The following AGPAT4 variants were observed in gnomAD, a reference collection of about 807,000 sequenced individuals.
AGPAT4 encodes 1-acylglycerol-3-phosphate O-acyltransferase 4.
A neutral mutation model predicts 48.0 loss-of-function variants in AGPAT4; 15 were observed. The observed-to-expected ratio is 0.31, with a 90% CI of 0.21 to 0.48. The LOEUF is 0.48. Among genes scored for constraint, AGPAT4 ranks in the 20% least tolerant of loss-of-function variants. The pLI, the probability that AGPAT4 is intolerant of heterozygous loss-of-function variation, is 0.99. For missense variants in AGPAT4, 314 were observed against 482.5 expected (o/e 0.65, Z 3.27); for synonymous variants, 178 against 198.7 (o/e 0.90, Z 0.88).
At chr6:161,162,782 C>T (rs1259694399) in intron 3 of AGPAT4, among the ~76,000 whole-genome samples, 1 of 152,248 alleles carries the variant, frequency 6.6e-6, no homozygotes, top group Non-Finnish European at 1.5e-5. Flanking sequence ...GGTGTGCTTG[C>T]CAGGGCCTGG....
At position 161,202,911 on chromosome 6, in the gene AGPAT4, C is replaced by A. The variant is rs1781273010; in HGVS notation, c.178+29125G>T. On this transcript the variant is annotated intron_variant, in intron 2 of 8. Transcript: ENST00000320285. The surrounding 1 kb of genome is among the most constrained non-coding windows in gnomAD (Gnocchi z 5.4). ...ATGGATAGGTTACTCCAGTTGACAGCCCCAGTTGAGGTCCCAGCCAACAGC... is the reference window on the plus strand; with the variant it reads ...ATGGATAGGTTACTCCAGTTGACAGACCCAGTTGAGGTCCCAGCCAACAGC... Among the ~76,000 whole-genome samples, 1 of 152,142 alleles carries A rather than the reference C, an allele frequency of 6.6e-6. No individual in the cohort carries two copies. The highest frequency in any genetic ancestry group is 1.5e-5 in the Non-Finnish European group (1 of 68,012).
rs1782813720 is a variant in AGPAT4, at chr6:161,251,866, T to TAC, written c.-89-19566_-89-19565dup. Among the ~76,000 whole-genome samples the TAC allele has an allele frequency of 6.6e-6, 1 of 152,240 alleles. No homozygotes were observed. Among genetic ancestry groups the TAC allele is most frequent in the South Asian group, 2.1e-4 (1 of 4,836 alleles). On this transcript the variant is annotated intron_variant, in intron 1 of 8. Coordinates refer to ENST00000320285, the MANE Select transcript of AGPAT4 (RefSeq NM_020133.3). This position sits in a 1 kb window ranked among gnomAD's most constrained non-coding sequence, Gnocchi z 4.6. ...AGCCATTTAGATTCTTCTAAAGGGATACATTACCTGTTACAGATTAGGGAA... is the reference window on the plus strand; with the variant it reads ...AGCCATTTAGATTCTTCTAAAGGGATACACATTACCTGTTACAGATTAGGGAA...
intron 1 of AGPAT4, among the ~76,000 whole-genome samples, chr6:161,247,786 C>A (rs1782695875): frequency 6.6e-6 from 1 of 151,888 alleles, no homozygotes; most frequent in Non-Finnish European, 1.5e-5. Flanking sequence ...AGTTCGAGAC[C>A]AGCCTGAACA....
At chr6:161,268,786 A>G (rs1466094117) in intron 1 of AGPAT4, among the ~76,000 whole-genome samples, 1 of 152,138 alleles carries the variant, frequency 6.6e-6, no homozygotes, top group Non-Finnish European at 1.5e-5. Flanking sequence ...TGTTGTCCAT[A>G]TAATTTCCAG....
rs562425119 is a variant in AGPAT4 at position 161,186,121 on chromosome 6, G to A, written c.179-19704C>T. Among the ~76,000 whole-genome samples the A allele has an allele frequency of 2.0e-5, 3 of 152,218 alleles. No individual in the cohort carries two copies. The East Asian group carries it at 5.8e-4, about 29-fold the overall frequency. On this transcript the variant is annotated intron_variant, in intron 2 of 8. Transcript: ENST00000320285. ...GCTGCAGAGCAGTCAAGCCACTGAGGTTGGACCTTCCAGCCCCCCACTTCT... is the reference window on the plus strand; with the variant it reads ...GCTGCAGAGCAGTCAAGCCACTGAGATTGGACCTTCCAGCCCCCCACTTCT...
chr6:161,163,801 T>A (rs1224089351), intron 3 of AGPAT4, among the ~76,000 whole-genome samples: 1 of 152,186 alleles, frequency 6.6e-6, no homozygotes, highest in Non-Finnish European at 1.5e-5. Context: ...AGGCCCCCAC[T>A]GAGCAAGGCT....
intron 3 of AGPAT4, among the ~76,000 whole-genome samples, chr6:161,157,493 T>G (rs1426096804): frequency 6.6e-6 from 1 of 152,210 alleles, no homozygotes; most frequent in Non-Finnish European, 1.5e-5. Flanking sequence ...TAGTATTTTT[T>G]GTAGACACAG....
chr6:161,159,630 A>C lies in AGPAT4; in HGVS notation c.349-5320T>G, dbSNP rs1219091405. ...GCGTGCGTGTGTGTGTGTGTTCATC[A>C]AAAGGTGAGAGACTCCATTCTCTTT... On this transcript the variant is annotated intron_variant, in intron 3 of 8. Transcript: ENST00000320285. The surrounding 1 kb of genome is among the most constrained non-coding windows in gnomAD (Gnocchi z 4.1). Among the ~76,000 whole-genome samples the C allele has an allele frequency of 2.0e-5, 3 of 152,166 alleles. No homozygotes were observed. The highest frequency in any genetic ancestry group is 7.2e-5 in the African/African-American group (3 of 41,440).
At chr6:161,260,896 A>AG (rs1783082346) in intron 1 of AGPAT4, among the ~76,000 whole-genome samples, 2 of 152,164 alleles carry the variant, frequency 1.3e-5, no homozygotes, top group Admixed American at 1.3e-4. Flanking sequence ...CTCAAAAAAA[A>AG]GAAAAAATAA....
In AGPAT4 at chr6:161,165,605, C is replaced by G; in HGVS notation, c.348+643G>C. 1 of 1,301,096 alleles carries G rather than the reference C, an allele frequency of 7.7e-7. No homozygotes were observed. Among genetic ancestry groups the G allele is most frequent in the Non-Finnish European group, 1.0e-6 (1 of 988,330 alleles). The allele number at this position is 1,301,096 out of a possible 1,614,324, so 80.6% of individuals were successfully genotyped here. On this transcript the variant is annotated intron_variant, in intron 3 of 8. Coordinates refer to ENST00000320285, the MANE Select transcript of AGPAT4 (RefSeq NM_020133.3). The surrounding 1 kb of genome is among the most constrained non-coding windows in gnomAD (Gnocchi z 5.5). ...AGTACCGCAGATGACTCTGATTCAG[C>G]TATGTGACACAGGCTCAACCGCTAC...
Position 161,139,322 on chromosome 6 carries a change from C to T in AGPAT4, c.1042+100G>A, listed in dbSNP as rs1051881428. The T allele has an allele frequency of 3.7e-5, 49 of 1,316,688 alleles. No individual in the cohort carries two copies. Among genetic ancestry groups the T allele is most frequent in the African/African-American group, 2.2e-4 (15 of 68,362 alleles). The allele number at this position is 1,316,688 out of a possible 1,614,324, so 81.6% of individuals were successfully genotyped here. A position where few individuals can be genotyped will look rare whatever the true frequency, so the allele number is the denominator to read the frequency against. On this transcript the variant is annotated intron_variant, in intron 8 of 8. Transcript: ENST00000320285. This position sits in a 1 kb window ranked among gnomAD's most constrained non-coding sequence, Gnocchi z 9.1. ...GCAAGCTGAGCCTGCTCCTCATCCA[C>T]GGCACAACTGCCTATACAGATGGCC...
rs560027627 is a variant in AGPAT4 at position 161,174,374 on chromosome 6, T to C, written c.179-7957A>G. The stretch of plus-strand genomic sequence containing the variant: ...AGAGGGCCTTCACATCCCTTGTAAG[T>C]TGGATTCCTAGGTATTTTTTTCTCT... On this transcript the variant is annotated intron_variant, in intron 2 of 8. Transcript: ENST00000320285. Among the ~76,000 whole-genome samples the C allele has an allele frequency of 2.2e-4, 33 of 152,330 alleles. 1 individual carries two copies. The East Asian group carries it at 4.1e-3, about 19-fold the overall frequency.
rs538719783 is a variant in AGPAT4 at position 161,184,015 on chromosome 6, G to A, written c.179-17598C>T. 9.9e-4 allele frequency among the ~76,000 whole-genome samples: 150 copies of A among 152,208 alleles called. No individual in the cohort carries two copies. Among genetic ancestry groups the A allele is most frequent in the African/African-American group, 3.3e-3 (138 of 41,546 alleles). ...GACAGGAAGTCACTGGAAGTTTAGC[G>A]TGATGTATGACTTGATCCACCTGAA... is the stretch of plus-strand genomic sequence containing the variant. On this transcript the variant is annotated intron_variant, in intron 2 of 8. Transcript: ENST00000320285. This position sits in a 1 kb window ranked among gnomAD's most constrained non-coding sequence, Gnocchi z 4.8.
intron 2 of AGPAT4, among the ~76,000 whole-genome samples, chr6:161,187,658 A>G (rs1364506596): frequency 1.3e-5 from 2 of 151,960 alleles, no homozygotes; most frequent in Non-Finnish European, 2.9e-5. Context: ...CTCCTGCCTC[A>G]GCCTCCCAAG....
rs1780255825 is a variant in AGPAT4, at chr6:161,171,073, A to G, written c.179-4656T>C. ...GGCACCTGAGCAATCCATCCCGACCAGAAGCTATCAGCAGGTGCTGCACAA... is the reference window on the plus strand; with the variant it reads ...GGCACCTGAGCAATCCATCCCGACCGGAAGCTATCAGCAGGTGCTGCACAA... On this transcript the variant is annotated intron_variant, in intron 2 of 8. Transcript: ENST00000320285. This position sits in a 1 kb window ranked among gnomAD's most constrained non-coding sequence, Gnocchi z 4.4. 2.0e-5 allele frequency among the ~76,000 whole-genome samples: 3 copies of G among 152,228 alleles called. No individual in the cohort carries two copies. The highest frequency in any genetic ancestry group is 7.2e-5 in the African/African-American group (3 of 41,466).
intron 2 of AGPAT4, among the ~76,000 whole-genome samples, chr6:161,210,923 TGGCTTTAG>T (rs994711539): frequency 3.3e-5 from 5 of 152,236 alleles, no homozygotes; most frequent in Non-Finnish European, 5.9e-5. Flanking sequence ...TCTAATCTTG[TGGCTTTAG>T]GCAGTCTAGC....
Position 161,223,928 on chromosome 6 carries a change from G to A in AGPAT4, c.178+8108C>T, listed in dbSNP as rs1781899591. 6.6e-6 allele frequency among the ~76,000 whole-genome samples: 1 copy of A among 152,180 alleles called. No individual in the cohort carries two copies. The highest frequency in any genetic ancestry group is 1.5e-5 in the Non-Finnish European group (1 of 68,036). The stretch of plus-strand genomic sequence containing the variant: ...AGTAAGTGCTCAGTAAATACTAGCT[G>A]GCTAAAAGTTCATAGAATAAAAAGG... On this transcript the variant is annotated intron_variant, in intron 2 of 8. Coordinates refer to ENST00000320285, the MANE Select transcript of AGPAT4 (RefSeq NM_020133.3). This position sits in a 1 kb window ranked among gnomAD's most constrained non-coding sequence, Gnocchi z 6.3.
chr6:161,189,657 C>T lies in AGPAT4; in HGVS notation c.179-23240G>A, dbSNP rs901678786. The stretch of plus-strand genomic sequence containing the variant: ...ACACGGCAGATCCAGGCCAGCTGCA[C>T]ATCCGTGGGCTCCTCCATCAGTCTC... On this transcript the variant is annotated intron_variant, in intron 2 of 8. Transcript: ENST00000320285. This position sits in a 1 kb window ranked among gnomAD's most constrained non-coding sequence, Gnocchi z 5.3. Among the ~76,000 whole-genome samples, 2 of 152,162 alleles carry T rather than the reference C, an allele frequency of 1.3e-5. No homozygotes were observed. Among genetic ancestry groups the T allele is most frequent in the Non-Finnish European group, 2.9e-5 (2 of 68,026 alleles).
rs191098129 is a variant in AGPAT4, at chr6:161,230,679, G to A, written c.178+1357C>T. 2.6e-5 allele frequency among the ~76,000 whole-genome samples: 4 copies of A among 152,234 alleles called. No individual in the cohort carries two copies. In the East Asian group the frequency reaches 7.7e-4, roughly 29 times the overall value. ...GAGACCAATGTTGAGTGAAGTCTAT[G>A]ACAAGGAAAAGTACATTGTATCATA... On this transcript the variant is annotated intron_variant, in intron 2 of 8. Transcript: ENST00000320285.
Sources: gnomAD v4.1 joint callset for allele counts (sites outside exome capture counted in the v4.1 genomes callset) on GRCh38, gnomAD v4.1.1 for gene constraint, Gnocchi (gnomAD v3.1) non-coding constraint, MANE v1.5 for transcripts, NCBI Gene and HGNC (gene_info 2026-07-23, HGNC 2026-07-21) for gene names.